Variants in PRKCH observed in about 807,000 individuals in gnomAD.
PRKCH encodes the protein protein kinase C eta type.
In PRKCH, 28 loss-of-function variants were observed where a neutral mutation model predicts 82.5. The ratio of observed to expected loss-of-function variants is 0.34; its 90% confidence interval spans 0.25 to 0.47. The LOEUF (loss-of-function observed/expected upper bound fraction) is 0.47. Among genes scored for constraint, PRKCH ranks in the 20% least tolerant of loss-of-function variants. The pLI, the probability that PRKCH is intolerant of heterozygous loss-of-function variation, is 1.00. For synonymous variants in PRKCH, 322 were observed against 327.4 expected (o/e 0.98, Z 0.18); for missense variants, 705 against 881.8 (o/e 0.80, Z 2.54).
intron 3 of PRKCH, among the ~76,000 whole-genome samples, chr14:61,444,266 A>G (rs1246684595): frequency 2.0e-5 from 3 of 152,162 alleles, no homozygotes; most frequent in African/African-American, 7.2e-5. Context: ...AAAAAATTGT[A>G]TTACTTTTTT....
chr14:61,496,676 C>T (rs1198389410), intron 10 of PRKCH, among the ~76,000 whole-genome samples: 13 of 152,210 alleles, frequency 8.5e-5, no homozygotes, highest in Admixed American at 8.5e-4. Flanking sequence ...AAGGCAGGGA[C>T]TGTGGCTGTC....
intron 10 of PRKCH, among the ~76,000 whole-genome samples, chr14:61,527,415 A>G (rs2042981428): frequency 6.6e-6 from 1 of 152,084 alleles, no homozygotes; most frequent in African/African-American, 2.4e-5. Flanking sequence ...GCTTCTCTCT[A>G]TCCGTCTATC....
chr14:61,521,728 G>C (rs764780478), intron 10 of PRKCH, among the ~76,000 whole-genome samples: 1 of 152,032 alleles, frequency 6.6e-6, no homozygotes, highest in South Asian at 2.1e-4. Context: ...CACTGTGCCC[G>C]GCCTTAATCT....
At position 61,267,822 on chromosome 14, in the gene PRKCH, C is replaced by A. The variant is rs979729708; in HGVS notation, c.-19+80154C>A. The stretch of plus-strand genomic sequence containing the variant: ...AAGATGTCGAGAATCATAAGATGCA[C>A]CATTACGTTATGTACCACTAAGAAA... On this transcript the variant is annotated intron_variant, in intron 1 of 3. Transcript: ENST00000555185. 3.9e-5 allele frequency among the ~76,000 whole-genome samples: 6 copies of A among 152,142 alleles called. 1 individual carries two copies. The Middle Eastern group carries it at 0.014, about 345-fold the overall frequency.
chr14:61,507,039 T>G (rs1177916072), intron 10 of PRKCH, among the ~76,000 whole-genome samples: 2 of 152,166 alleles, frequency 1.3e-5, no homozygotes, highest in African/African-American at 4.8e-5. Context: ...GTTGCAGATC[T>G]GATAAGGGGT....
chr14:61,460,314 T>A (rs554615871), intron 9 of PRKCH, among the ~76,000 whole-genome samples: 62 of 152,348 alleles, frequency 4.1e-4, no homozygotes, highest in Non-Finnish European at 8.2e-4. Context: ...GTTCCTAGTC[T>A]TTTATTTCAG....
At chr14:61,509,245 A>T (rs1222409586) in intron 10 of PRKCH, among the ~76,000 whole-genome samples, 1 of 152,122 alleles carries the variant, frequency 6.6e-6, no homozygotes, top group African/African-American at 2.4e-5. Context: ...TTTAGTTTGG[A>T]GAATGCCCTT....
At chr14:61,500,229 G>A (rs753857937) in intron 10 of PRKCH, among the ~76,000 whole-genome samples, 40 of 151,316 alleles carry the variant, frequency 2.6e-4, no homozygotes, top group South Asian at 6.3e-4. Flanking sequence ...TTTGAGACAC[G>A]GTCTCCCTCT....
At chr14:61,283,490 G>T (rs1337253963) in intron 1 of PRKCH, among the ~76,000 whole-genome samples, 2 of 152,074 alleles carry the variant, frequency 1.3e-5, no homozygotes, top group Non-Finnish European at 1.5e-5. Flanking sequence ...TCAGGTGCAG[G>T]GAAAGGGAAG....
At chr14:61,203,011 G>C (rs78277152) in intron 1 of PRKCH, among the ~76,000 whole-genome samples, 1 of 151,546 alleles carries the variant, frequency 6.6e-6, no homozygotes, top group Non-Finnish European at 1.5e-5. Flanking sequence ...GACTCCCTGC[G>C]CTCCACCTGT....
At chr14:61,262,910 A>C (rs560955657) in intron 1 of PRKCH, among the ~76,000 whole-genome samples, 100 of 152,288 alleles carry the variant, frequency 6.6e-4, no homozygotes, top group Admixed American at 1.6e-3. Context: ...TAAGGGCCTG[A>C]TACTGTGCTA....
chr14:61,488,753 C>G (rs1163627384), intron 10 of PRKCH, among the ~76,000 whole-genome samples: 1 of 152,186 alleles, frequency 6.6e-6, no homozygotes, highest in African/African-American at 2.4e-5. Flanking sequence ...GCCCCTCAGT[C>G]TACTTGTCTC....
At chr14:61,376,727 C>A (rs2046432620) in intron 1 of PRKCH, among the ~76,000 whole-genome samples, 1 of 152,194 alleles carries the variant, frequency 6.6e-6, no homozygotes, top group African/African-American at 2.4e-5. Flanking sequence ...TGTCCTCCAG[C>A]ATGTTGTTTT....
At chr14:61,317,945 G>T (rs1229589882), upstream of PRKCH, among the ~76,000 whole-genome samples, 2 of 151,980 alleles carry the variant, frequency 1.3e-5, no homozygotes, top group African/African-American at 4.8e-5. Context: ...CAACCACATA[G>T]CCAATTCCCC....
intron 1 of PRKCH, among the ~76,000 whole-genome samples, chr14:61,193,295 T>G (rs2140033691): frequency 6.6e-6 from 1 of 152,310 alleles, no homozygotes; most frequent in South Asian, 2.1e-4. Flanking sequence ...TAATTGAAAA[T>G]GCAGCAAGAA....
rs1278322396 is a variant in PRKCH at position 61,380,964 on chromosome 14, A to G, written c.364-10261A>G. On this transcript the variant is annotated intron_variant, in intron 1 of 13. Transcript: ENST00000332981. ...TTGAAGTAATTCTAAGTTTAAATTT[A>G]TAGCAACCATGTGGGTCTGTTCAGC... Among the ~76,000 whole-genome samples the G allele has an allele frequency of 2.6e-5, 4 of 152,198 alleles. 1 individual carries two copies. Among genetic ancestry groups the G allele is most frequent in the Non-Finnish European group, 5.9e-5 (4 of 68,028 alleles).
At chr14:61,206,808 GAAAA>G (rs139565381) in intron 1 of PRKCH, among the ~76,000 whole-genome samples, 2 of 146,990 alleles carry the variant, frequency 1.4e-5, no homozygotes, top group Non-Finnish European at 3.0e-5. Context: ...ATTAGAAAAA[GAAAA>G]AAAAAAGATG....
At chr14:61,367,888 G>C (rs1046423034) in intron 1 of PRKCH, among the ~76,000 whole-genome samples, 1 of 151,742 alleles carries the variant, frequency 6.6e-6, no homozygotes, top group African/African-American at 2.4e-5. Flanking sequence ...CTAATTTTTT[G>C]TATTTTTAGT....
chr14:61,262,659 C>T (rs1273973257), intron 1 of PRKCH, among the ~76,000 whole-genome samples: 3 of 151,920 alleles, frequency 2.0e-5, no homozygotes, highest in Admixed American at 2.0e-4. Flanking sequence ...AGCTGAACAC[C>T]TAAGATCTGT....
Sources: gnomAD v4.1 joint callset for allele counts (sites outside exome capture counted in the v4.1 genomes callset) on GRCh38, gnomAD v4.1.1 for gene constraint, MANE v1.5 for transcripts, NCBI Gene and HGNC (gene_info 2026-07-23, HGNC 2026-07-21) for gene names.